KDM2A: variants seen among roughly 807,000 people sequenced by gnomAD.
The protein encoded by KDM2A is lysine demethylase 2A.
A neutral mutation model predicts 137.3 loss-of-function variants in KDM2A; 3 were observed. The observed-to-expected ratio is 0.02, with a 90% CI of 0.01 to 0.06. The LOEUF (loss-of-function observed/expected upper bound fraction) is 0.06. Among genes scored for constraint, KDM2A ranks in the 10% least tolerant of loss-of-function variants. The pLI, the probability that KDM2A is intolerant of heterozygous loss-of-function variation, is 1.00. For missense variants in KDM2A, 738 were observed against 1,510.6 expected (o/e 0.49, Z 8.48); for synonymous variants, 512 against 541.5 (o/e 0.95, Z 0.76).
At chr11:67,240,032 C>T (rs1858980570) in intron 12 of KDM2A, 1 of 1,305,658 alleles carries the variant, frequency 7.7e-7, no homozygotes, top group Non-Finnish European at 9.7e-7. Context: ...TCGGCTCCCC[C>T]TCCTGCCATC....
intron 2 of KDM2A, among the ~76,000 whole-genome samples, chr11:67,134,962 A>G (rs1429389233): frequency 1.3e-5 from 2 of 152,166 alleles, no homozygotes; most frequent in Admixed American, 6.5e-5. Context: ...ACCCAGTTGC[A>G]TATTTTCTTT....
chr11:67,186,046 A>G (rs548279714), intron 5 of KDM2A, among the ~76,000 whole-genome samples: 1 of 152,158 alleles, frequency 6.6e-6, no homozygotes, highest in Non-Finnish European at 1.5e-5. Context: ...TAGAAGTACC[A>G]GAAGGAAAAT....
In KDM2A at chr11:67,155,432, CT is replaced by C. The variant is rs1234612869; in HGVS notation, c.43-24646del. ...CAAGCGATTATCCTGTCTCAGCCTC[CT>C]GCGTATCTGGGGCTGTAGGCAGGTA... On this transcript the variant is annotated intron_variant, in intron 2 of 20. Transcript: ENST00000529006. Among the ~76,000 whole-genome samples the C allele has an allele frequency of 9.9e-5, 15 of 151,862 alleles. No individual in the cohort carries two copies. The East Asian group carries it at 2.7e-3, about 27-fold the overall frequency.
chr11:67,130,683 CTG>C (rs1444851408), intron 2 of KDM2A, among the ~76,000 whole-genome samples: 8 of 152,112 alleles, frequency 5.3e-5, no homozygotes, highest in Admixed American at 5.2e-4. Context: ...TTAATTTTCT[CTG>C]TTTATCTCAC....
At chr11:67,142,596 G>A (rs1009403338) in intron 2 of KDM2A, among the ~76,000 whole-genome samples, 2 of 150,100 alleles carry the variant, frequency 1.3e-5, no homozygotes, top group African/African-American at 2.4e-5. Flanking sequence ...TTGGGGTTGG[G>A]GGGGCGTCAA....
intron 8 of KDM2A, among the ~76,000 whole-genome samples, chr11:67,217,245 A>T (rs1858194278): frequency 6.6e-6 from 1 of 151,248 alleles, no homozygotes; most frequent in African/African-American, 2.4e-5. Context: ...TCTGTCAAAA[A>T]AAAAAAAAAA....
intron 17 of KDM2A, among the ~76,000 whole-genome samples, chr11:67,251,083 GAT>G (rs1441476040): frequency 9.2e-5 from 14 of 152,118 alleles, no homozygotes; most frequent in Non-Finnish European, 1.9e-4. Context: ...TGTAGTCTGT[GAT>G]AAAACTTGAG....
At chr11:67,139,493 C>A (rs1856045846) in intron 2 of KDM2A, among the ~76,000 whole-genome samples, 1 of 152,140 alleles carries the variant, frequency 6.6e-6, no homozygotes, top group Non-Finnish European at 1.5e-5. Flanking sequence ...GATTCGCCCA[C>A]CTCGGCCCCC....
At chr11:67,131,768 A>G (rs927839753) in intron 2 of KDM2A, among the ~76,000 whole-genome samples, 3 of 152,146 alleles carry the variant, frequency 2.0e-5, no homozygotes, top group Non-Finnish European at 4.4e-5. Context: ...TTAGATAGCT[A>G]TAAATATTTG....
chr11:67,189,955 G>A (rs1468029865), intron 5 of KDM2A, among the ~76,000 whole-genome samples: 1 of 152,102 alleles, frequency 6.6e-6, no homozygotes, highest in Non-Finnish European at 1.5e-5. Context: ...GCTAAAGGAA[G>A]TAATAAAGAT....
chr11:67,143,436 G>A (rs1261153643), intron 2 of KDM2A: 1 of 152,002 alleles, frequency 6.6e-6, no homozygotes, highest in African/African-American at 2.4e-5. Flanking sequence ...AGAAAAGTCC[G>A]TAAAACATAA....
chr11:67,146,192 A>T (rs568499549), intron 2 of KDM2A, among the ~76,000 whole-genome samples: 1 of 151,898 alleles, frequency 6.6e-6, no homozygotes, highest in South Asian at 2.1e-4. Context: ...ACAGGGTTTC[A>T]CCATGTTGGC....
chr11:67,139,301 G>A (rs759457654), intron 2 of KDM2A, among the ~76,000 whole-genome samples: 23 of 151,506 alleles, frequency 1.5e-4, no homozygotes, highest in Non-Finnish European at 2.8e-4. Flanking sequence ...CTGGAGTGCA[G>A]TGGCATGATC....
Position 67,208,634 on chromosome 11 carries a change from G to A in KDM2A, c.486+946G>A, listed in dbSNP as rs886878666. 2.6e-5 allele frequency among the ~76,000 whole-genome samples: 4 copies of A among 151,902 alleles called. No homozygotes were observed. In the South Asian group the frequency reaches 8.3e-4, roughly 32 times the overall value. On this transcript the variant is annotated intron_variant, in intron 6 of 20. Transcript: ENST00000529006. ...AAAAATACAAAAATTAGCCAAGCAT[G>A]GTTGCATGCGCCTGTAATTCCAGCT...
rs753683101 is a variant in KDM2A, at chr11:67,219,280, TCTC to T, written c.842-5_842-3del. ...TTCAGCCACTGCCCTCTGTTCCCCT[TCTC>T]CTAGGCTGGATTCATGCTGTGTATA... is the stretch of plus-strand genomic sequence containing the variant. On this transcript the variant is annotated splice_polypyrimidine_tract_variant and splice_region_variant and intron_variant, in intron 9 of 20. Transcript: ENST00000529006. 2 of 1,505,596 alleles carry T rather than the reference TCTC, an allele frequency of 1.3e-6. No individual in the cohort carries two copies. Among genetic ancestry groups the T allele is most frequent in the African/African-American group, 1.4e-5 (1 of 71,104 alleles). The allele number at this position is 1,505,596 out of a possible 1,614,324, so 93.3% of individuals were successfully genotyped here.
intron 5 of KDM2A, among the ~76,000 whole-genome samples, chr11:67,189,653 A>C (rs1406401521): frequency 6.6e-6 from 1 of 152,152 alleles, no homozygotes; most frequent in Non-Finnish European, 1.5e-5. Flanking sequence ...CAGCCTGGTC[A>C]ACATGGCGAA....
chr11:67,142,305 G>A (rs1324711954), intron 2 of KDM2A, among the ~76,000 whole-genome samples: 1 of 151,158 alleles, frequency 6.6e-6, no homozygotes, highest in African/African-American at 2.4e-5. Flanking sequence ...CCAAAGTGCT[G>A]GGATTACAGG....
intron 12 of KDM2A, chr11:67,240,458 C>G: frequency 8.8e-7 from 1 of 1,136,894 alleles, no homozygotes; most frequent in Non-Finnish European, 1.2e-6. Flanking sequence ...GGAGAAACTG[C>G]CTGCCGGGCG....
chr11:67,213,618 G>A (rs778775763), intron 6 of KDM2A, among the ~76,000 whole-genome samples: 3 of 151,912 alleles, frequency 2.0e-5, no homozygotes, highest in South Asian at 2.1e-4. Context: ...AATTAGTTAG[G>A]TGCGGTGGCG....
Sources: gnomAD v4.1 joint callset for allele counts (sites outside exome capture counted in the v4.1 genomes callset) on GRCh38, gnomAD v4.1.1 for gene constraint, MANE v1.5 for transcripts, NCBI Gene and HGNC (gene_info 2026-07-23, HGNC 2026-07-21) for gene names.